Variants in TBR1 observed in about 807,000 individuals in gnomAD.
The protein encoded by TBR1 is T-box brain transcription factor 1, also known as T-box brain protein 1.
In TBR1, 7 loss-of-function variants were observed where a neutral mutation model predicts 60.3. The ratio of observed to expected loss-of-function variants is 0.12; its 90% CI spans 0.07 to 0.22. The LOEUF (loss-of-function observed/expected upper bound fraction) is 0.22, where lower values mean the gene tolerates loss of function less well. TBR1 is among the 10% of genes least tolerant of loss of function. The pLI, the probability that TBR1 is intolerant of heterozygous loss-of-function variation, is 1.00. For missense variants in TBR1, 616 were observed against 936.8 expected (o/e 0.66, Z 4.47); for synonymous variants, 417 against 409.9 (o/e 1.02, Z -0.21).
chr2:161,424,518 T>C lies in TBR1; in HGVS notation c.*291T>C. 2 of 366,526 alleles carry C rather than the reference T, an allele frequency of 5.5e-6. No individual in the cohort carries two copies. Among genetic ancestry groups the C allele is most frequent in the Middle Eastern group, 1.5e-3 (2 of 1,340 alleles). 22.7% of individuals were successfully genotyped at this position (366,526 alleles called of 1,614,324 possible). A position where few individuals can be genotyped will look rare whatever the true frequency, so the allele number is the denominator to read the frequency against. On this transcript the variant is annotated 3_prime_UTR_variant, in exon 6 of 6. Transcript: ENST00000389554. This position sits in a 1 kb window ranked among gnomAD's most constrained non-coding sequence, Gnocchi z 4.4. ...CCTCCTACAATTCCCCTCCCCCTCG[T>C]CTTTCTCTTACCTCCTACTTCTCTT...
At chr2:161,422,617 C>G (rs1449121343) in intron 5 of TBR1, 1 of 152,196 alleles carries the variant, frequency 6.6e-6, no homozygotes, top group Non-Finnish European at 1.5e-5. Context: ...GAGTAAAGAA[C>G]ACCTTTTCTC....
In TBR1 at chr2:161,424,767, A is replaced by C. The variant is rs950686202; in HGVS notation, c.*540A>C. The C allele has an allele frequency of 6.5e-6, 1 of 152,978 alleles. No homozygotes were observed. The highest frequency in any genetic ancestry group is 1.5e-5 in the Non-Finnish European group (1 of 68,286). The allele number at this position is 152,978 out of a possible 1,614,324, so 9.5% of individuals were successfully genotyped here. On this transcript the variant is annotated 3_prime_UTR_variant, in exon 6 of 6. Transcript: ENST00000389554. The surrounding 1 kb of genome is among the most constrained non-coding windows in gnomAD (Gnocchi z 4.4). ...AACAAAGCCTGTGAAATGATTGTAC[A>C]TAGTGTTAATTTATTGTAACGAATG...
chr2:161,423,936 C>G lies in TBR1; in HGVS notation c.1758C>G (p.Ala586=), dbSNP rs1684278363. The G allele has an allele frequency of 1.3e-6, 2 of 1,541,936 alleles. No individual in the cohort carries two copies. The highest frequency in any genetic ancestry group is 1.7e-6 in the Non-Finnish European group (2 of 1,143,142). Residue 586 remains alanine (A), a synonymous_variant, in exon 6 of 6, where the codon GCC becomes GCG. Transcript: ENST00000389554. ...CCAATCCCTACCTGGGCGAGGAGGC[C>G]GAGGGCCTGGCCGCCGAGCGCTCGC... ...AGANPYLGEE[A]EGLAAERSPL...
chr2:161,423,905 C>T lies in TBR1; in HGVS notation c.1727C>T (p.Ala576Val), dbSNP rs1559062622. The change falls in exon 6 of 6, where the codon GCC (alanine) becomes GTC (valine). Residue 576 changes from alanine to valine, a missense_variant. Around this residue, in one of 8 missense-constraint regions of TBR1, gnomAD observed 210 missense variants for 297.4 expected, o/e 0.71. Coordinates refer to ENST00000389554, the MANE Select transcript of TBR1 (RefSeq NM_006593.4). ...AGCGCCGCGGCCGCCGCGCGCATGGCCGGCGCCAATCCCTACCTGGGCGAG... is the reference window on the plus strand; with the variant it reads ...AGCGCCGCGGCCGCCGCGCGCATGGTCGGCGCCAATCCCTACCTGGGCGAG... Reference protein sequence around the residue: ...PNSAAAAARMAGANPYLGEEA... With the variant: ...PNSAAAAARMVGANPYLGEEA... 2 of 1,414,570 alleles carry T rather than the reference C, an allele frequency of 1.4e-6. No homozygotes were observed. Among genetic ancestry groups the T allele is most frequent in the Non-Finnish European group, 9.2e-7 (1 of 1,086,372 alleles). 87.6% of individuals were successfully genotyped at this position (1,414,570 alleles called of 1,614,324 possible).
At chr2:161,422,391 T>C (rs1684247030) in intron 5 of TBR1, 1 of 152,238 alleles carries the variant, frequency 6.6e-6, no homozygotes, top group South Asian at 2.1e-4. Flanking sequence ...CTGTCGCTGG[T>C]TGGGCAAGTT....
chr2:161,420,353 G>GC, intron 5 of TBR1, 96 bp downstream of exon 5: 1 of 817,576 alleles, frequency 1.2e-6, no homozygotes, highest in Non-Finnish European at 1.8e-6. Context: ...AAGCTGGAAT[G>GC]TGTGAAGACA....
At chr2:161,423,107 A>C in intron 5 of TBR1, 1 of 360,740 alleles carries the variant, frequency 2.8e-6, no homozygotes, top group Non-Finnish European at 4.9e-6. Context: ...AGAAGAGGGA[A>C]GTCGTTCCCT....
chr2:161,418,781 G>A, intron 3 of TBR1, 111 bp from the exon 4 acceptor site: 1 of 1,414,516 alleles, frequency 7.1e-7, no homozygotes, highest in Non-Finnish European at 9.5e-7. Flanking sequence ...CTGGAAGGCG[G>A]GCTGCAGGCT....
chr2:161,423,088 G>A, intron 5 of TBR1: 2 of 340,628 alleles, frequency 5.9e-6, no homozygotes, highest in Non-Finnish European at 1.1e-5. Flanking sequence ...CTTGACGAGA[G>A]AGAGCAAGAG....
At chr2:161,421,344 T>TA (rs1466708866) in intron 5 of TBR1, 1 of 152,244 alleles carries the variant, frequency 6.6e-6, no homozygotes, top group Non-Finnish European at 1.5e-5. Context: ...TCTAATAATT[T>TA]AAAAGAGAGT....
At position 161,416,454 on chromosome 2, in the gene TBR1, A is replaced by G; in HGVS notation, c.44A>G (p.Lys15Arg). 6.2e-7 allele frequency: 1 copy of G among 1,611,538 alleles called. No individual in the cohort carries two copies. Among genetic ancestry groups the G allele is most frequent in the South Asian group, 1.1e-5 (1 of 90,738 alleles). The change falls in exon 1 of 6, where the codon AAG (lysine) becomes AGG (arginine). Residue 15 changes from lysine to arginine, a missense_variant. Physicochemically the swap from Lys to Arg is conservative, Grantham distance 26. Coordinates refer to ENST00000389554, the MANE Select transcript of TBR1 (RefSeq NM_006593.4). This position sits in a 1 kb window ranked among gnomAD's most constrained non-coding sequence, Gnocchi z 6.1. ...HCLSPSIMLSKKFLNVSSSYP... is the reference protein window; with the variant it reads ...HCLSPSIMLSRKFLNVSSSYP... ...CTTTCTCCTTCTATCATGCTCTCCA[A>G]GAAATTTCTCAATGTGAGCAGCAGC...
chr2:161,416,912 G>A lies in TBR1; in HGVS notation c.502G>A (p.Gly168Arg). 6.2e-7 allele frequency: 1 copy of A among 1,614,058 alleles called. No individual in the cohort carries two copies. Among genetic ancestry groups the A allele is most frequent in the East Asian group, 2.2e-5 (1 of 44,862 alleles). Residue 168 changes from glycine (G) to arginine (R), a missense_variant, in exon 1 of 6, where the codon GGA (glycine) becomes AGA (arginine). Gly to Arg is a moderately radical substitution (Grantham distance 125, BLOSUM62 -2). This residue lies in a region of TBR1 where 211 missense variants were observed against 268.7 expected (regional missense o/e 0.79). Transcript: ENST00000389554. This position sits in a 1 kb window ranked among gnomAD's most constrained non-coding sequence, Gnocchi z 6.1. Reference sequence around the variant, plus strand: ...CCTCCTGTCCAACTCCTCGCCGCAGGGATACCCCACGGCCGGCTACCCCTA... The same window carrying A: ...CCTCCTGTCCAACTCCTCGCCGCAGAGATACCCCACGGCCGGCTACCCCTA... Reference protein sequence around the residue: ...NSLLSNSSPQGYPTAGYPYPQ... With the variant: ...NSLLSNSSPQRYPTAGYPYPQ...
At position 161,424,187 on chromosome 2, in the gene TBR1, A is replaced by G. The variant is rs1159874663; in HGVS notation, c.2009A>G (p.Lys670Arg). Residue 670 changes from lysine to arginine, a missense_variant, in exon 6 of 6, where the codon AAG becomes AGG. Coordinates refer to ENST00000389554, the MANE Select transcript of TBR1 (RefSeq NM_006593.4). The surrounding 1 kb of genome is among the most constrained non-coding windows in gnomAD (Gnocchi z 4.4). ...CGGGACTGCGAGAAGAACTGCGCCA[A>G]GGACATTAGCGGCTACTATGGCTTC... is the stretch of plus-strand genomic sequence containing the variant. ...AQRDCEKNCA[K>R]DISGYYGFYS... is the part of the protein sequence containing the mutation. 2 of 1,611,448 alleles carry G rather than the reference A, an allele frequency of 1.2e-6. No homozygotes were observed. Among genetic ancestry groups the G allele is most frequent in the East Asian group, 2.2e-5 (1 of 44,732 alleles).
chr2:161,419,125 T>C, intron 4 of TBR1, 75 bp downstream of exon 4: 2 of 1,604,820 alleles, frequency 1.2e-6, no homozygotes, highest in South Asian at 2.2e-5. Context: ...TCTCCCGCCA[T>C]GCAAGGCTAG....
At position 161,419,267 on chromosome 2, in the gene TBR1, G is replaced by A. The variant is rs141074661; in HGVS notation, c.1128+217G>A. 4.1e-3 allele frequency: 2,528 copies of A among 609,686 alleles called. 7 individuals are homozygous for A. The highest frequency in any genetic ancestry group is 5.1e-3 in the Non-Finnish European group (1,918 of 376,282). The allele number at this position is 609,686 out of a possible 1,614,324, so 37.8% of individuals were successfully genotyped here. On this transcript the variant is annotated intron_variant, in intron 4 of 5. Coordinates refer to ENST00000389554, the MANE Select transcript of TBR1 (RefSeq NM_006593.4). ...AAAAAGCTTTCTATTTGTTTTCGTC[G>A]CTGGTCACCCGGGCCACCTTTGAGG...
At position 161,416,969 on chromosome 2, in the gene TBR1, G is replaced by A; in HGVS notation, c.559G>A (p.Ala187Thr). Residue 187 changes from alanine (A) to threonine (T), a missense_variant, in exon 1 of 6, where the codon GCT becomes ACT. Coordinates refer to ENST00000389554, the MANE Select transcript of TBR1 (RefSeq NM_006593.4). This position sits in a 1 kb window ranked among gnomAD's most constrained non-coding sequence, Gnocchi z 6.1. Reference protein sequence around the residue: ...PQQYGHSYQGAPFYQFSSTQP... With the variant: ...PQQYGHSYQGTPFYQFSSTQP... ...GCAGTACGGCCACTCCTACCAAGGA[G>A]CTCCGTTCTACCAGTTCTCCTCCAC... is the stretch of plus-strand genomic sequence containing the variant. The A allele has an allele frequency of 6.2e-7, 1 of 1,614,204 alleles. No homozygotes were observed. Among genetic ancestry groups the A allele is most frequent in the Non-Finnish European group, 8.5e-7 (1 of 1,180,044 alleles).
chr2:161,416,365 CTT>C lies in TBR1; in HGVS notation c.-44_-43del. On this transcript the variant is annotated 5_prime_UTR_variant, in exon 1 of 6. Transcript: ENST00000389554. This position sits in a 1 kb window ranked among gnomAD's most constrained non-coding sequence, Gnocchi z 6.1. ...GATTTCTAGTTTATGATAAATAGGA[CTT>C]TAAAAACCAGGGACGGGAGGGCGAG... The C allele has an allele frequency of 6.8e-7, 1 of 1,467,520 alleles. No homozygotes were observed. Among genetic ancestry groups the C allele is most frequent in the Non-Finnish European group, 9.2e-7 (1 of 1,087,222 alleles). The allele number at this position is 1,467,520 out of a possible 1,614,324, so 90.9% of individuals were successfully genotyped here. A position where few individuals can be genotyped will look rare whatever the true frequency, so the allele number is the denominator to read the frequency against.
intron 4 of TBR1, 164 bp downstream of exon 4, chr2:161,419,214 C>A (rs1684186311): frequency 2.0e-6 from 2 of 997,786 alleles, no homozygotes; most frequent in Non-Finnish European, 1.4e-6. Context: ...CTGCCCACGG[C>A]ACCTTTCCTA....
In TBR1 at chr2:161,425,409, T is replaced by C. The variant is rs1274843593; in HGVS notation, c.*1182T>C. Reference sequence around the variant, plus strand: ...GTGAGTTGTATATTTTACTGCATTTTAGTTTTGAAAATGACTTCCCCACCA... The same window carrying C: ...GTGAGTTGTATATTTTACTGCATTTCAGTTTTGAAAATGACTTCCCCACCA... On this transcript the variant is annotated 3_prime_UTR_variant, in exon 6 of 6. Transcript: ENST00000389554. 6.6e-6 allele frequency: 1 copy of C among 152,234 alleles called. No individual in the cohort carries two copies. Among genetic ancestry groups the C allele is most frequent in the Non-Finnish European group, 1.5e-5 (1 of 68,040 alleles). 9.4% of individuals were successfully genotyped at this position (152,234 alleles called of 1,614,324 possible).
Sources: gnomAD v4.1 joint callset for allele counts on GRCh38, gnomAD v4.1.1 for gene constraint, gnomAD v4.1.1 regional missense constraint, Gnocchi (gnomAD v3.1) non-coding constraint, MANE v1.5 for transcripts, NCBI Gene and HGNC (gene_info 2026-07-23, HGNC 2026-07-21) for gene names.